UBASH3B: variants seen among roughly 807,000 people sequenced by gnomAD.
UBASH3B encodes the protein ubiquitin associated and SH3 domain containing B, also known as ubiquitin-associated and SH3 domain-containing protein B.
In UBASH3B, 37 loss-of-function variants were observed where a neutral mutation model predicts 83.4. The observed-to-expected ratio is 0.44, with a 90% CI of 0.34 to 0.58. UBASH3B has a LOEUF of 0.58. UBASH3B is among the 20% of genes least tolerant of loss of function. The probability of loss-of-function intolerance (pLI) is 0.01; values close to 1 mark genes in which losing one functional copy is unlikely to be tolerated. For missense variants in UBASH3B, 657 were observed against 827.2 expected (o/e 0.79, Z 2.52); for synonymous variants, 304 against 318.3 (o/e 0.96, Z 0.48).
At chr11:122,783,280 C>T in intron 5 of UBASH3B, 58 bp downstream of exon 5, 1 of 1,574,870 alleles carries the variant, frequency 6.3e-7, no homozygotes, top group East Asian at 2.2e-5. Context: ...TCAGAATCAG[C>T]AGCTCGCTGC....
intron 1 of UBASH3B, chr11:122,774,103 C>G: frequency 2.0e-6 from 2 of 984,764 alleles, no homozygotes; most frequent in Non-Finnish European, 2.4e-6. Flanking sequence ...TCTAGTAAGT[C>G]GTGAGGAAAC....
Position 122,777,083 on chromosome 11 carries a change from T to TCTACCTCCGTCCC in UBASH3B, c.276_288dup (p.Thr97LeufsTer65), listed in dbSNP as rs1860749857. On this transcript the variant is annotated frameshift_variant, in exon 3 of 14. Coordinates refer to ENST00000284273, the MANE Select transcript of UBASH3B (RefSeq NM_032873.5). LOFTEE classifies it high-confidence loss of function. ...GACCCCCTGCCCCGGGAGTACGTCCTCTACCTCCGTCCCACCGGCCCCTTA... is the reference window on the plus strand; with the variant it reads ...GACCCCCTGCCCCGGGAGTACGTCCTCTACCTCCGTCCCCTACCTCCGTCCCACCGGCCCCTTA... 6.2e-7 allele frequency: 1 copy of TCTACCTCCGTCCC among 1,613,984 alleles called. No homozygotes were observed. Among genetic ancestry groups the TCTACCTCCGTCCC allele is most frequent in the Non-Finnish European group, 8.5e-7 (1 of 1,179,952 alleles).
At chr11:122,656,293 C>A (rs1426777747) in intron 1 of UBASH3B, 83 bp downstream of exon 1, 1 of 1,252,872 alleles carries the variant, frequency 8.0e-7, no homozygotes, top group Admixed American at 4.2e-5. Flanking sequence ...CGCCTCCCAG[C>A]GCCTGCGGGA....
At chr11:122,741,496 A>G (rs1273769783) in intron 1 of UBASH3B, among the ~76,000 whole-genome samples, 2 of 152,192 alleles carry the variant, frequency 1.3e-5, no homozygotes, top group African/African-American at 4.8e-5. Flanking sequence ...CCGTCTCTTT[A>G]AGATCTAAGT....
At chr11:122,689,972 C>G (rs1000789406) in intron 1 of UBASH3B, among the ~76,000 whole-genome samples, 1 of 151,694 alleles carries the variant, frequency 6.6e-6, no homozygotes, top group African/African-American at 2.4e-5. Context: ...GGGCAGCCCA[C>G]CAAACCCCGC....
chr11:122,752,266 C>G (rs923039272), intron 1 of UBASH3B, among the ~76,000 whole-genome samples: 4 of 152,154 alleles, frequency 2.6e-5, no homozygotes, highest in African/African-American at 7.2e-5. Flanking sequence ...TAAGCACACT[C>G]TCTTTGAGTG....
At chr11:122,723,696 G>A (rs758308552) in intron 1 of UBASH3B, among the ~76,000 whole-genome samples, 3 of 152,214 alleles carry the variant, frequency 2.0e-5, no homozygotes, top group African/African-American at 7.2e-5. Flanking sequence ...AAAGAGCACC[G>A]GGTAGAAACC....
At chr11:122,721,210 A>G (rs889225508) in intron 1 of UBASH3B, among the ~76,000 whole-genome samples, 4 of 141,706 alleles carry the variant, frequency 2.8e-5, no homozygotes, top group African/African-American at 8.0e-5. Flanking sequence ...GCGGCACTGC[A>G]CTCCAGTCTG....
chr11:122,779,252 G>A (rs927190025), intron 3 of UBASH3B: 1 of 562,912 alleles, frequency 1.8e-6, no homozygotes, highest in African/African-American at 1.9e-5. Flanking sequence ...GTTCACGGGG[G>A]CCACTTCACA....
At chr11:122,753,986 G>A (rs1423280316) in intron 1 of UBASH3B, among the ~76,000 whole-genome samples, 2 of 152,152 alleles carry the variant, frequency 1.3e-5, no homozygotes, top group African/African-American at 4.8e-5. Context: ...GTTCTGTGAT[G>A]ATGGGAAGGT....
At chr11:122,709,287 T>A (rs1305073303) in intron 1 of UBASH3B, 3 of 152,234 alleles carry the variant, frequency 2.0e-5, no homozygotes, top group African/African-American at 7.2e-5. Flanking sequence ...GTCTTCACTT[T>A]CCCATCCCCA....
chr11:122,688,131 C>T (rs960553942), intron 1 of UBASH3B, among the ~76,000 whole-genome samples: 1 of 152,086 alleles, frequency 6.6e-6, no homozygotes, highest in African/African-American at 2.4e-5. Flanking sequence ...GAGGGGACTT[C>T]TTGGTTTTAA....
chr11:122,701,111 T>C (rs1423789710), intron 1 of UBASH3B, among the ~76,000 whole-genome samples: 1 of 152,226 alleles, frequency 6.6e-6, no homozygotes. Flanking sequence ...CTAATTTGCA[T>C]GGTTGTGTGA....
chr11:122,705,195 C>A (rs572558894), intron 1 of UBASH3B, among the ~76,000 whole-genome samples: 1 of 152,102 alleles, frequency 6.6e-6, no homozygotes, highest in Non-Finnish European at 1.5e-5. Flanking sequence ...GCCTGTAATC[C>A]CAGCACTTCG....
chr11:122,677,734 G>A (rs1373707164), intron 1 of UBASH3B, among the ~76,000 whole-genome samples: 1 of 152,110 alleles, frequency 6.6e-6, no homozygotes, highest in East Asian at 1.9e-4. Context: ...ATGGGCAAGA[G>A]GAGCAAAACT....
chr11:122,731,458 G>A (rs566624425), intron 1 of UBASH3B, among the ~76,000 whole-genome samples: 3 of 152,168 alleles, frequency 2.0e-5, no homozygotes, highest in Non-Finnish European at 4.4e-5. Flanking sequence ...CCATTATAAA[G>A]TAAAATAATG....
chr11:122,696,317 G>A (rs1308802272), intron 1 of UBASH3B, among the ~76,000 whole-genome samples: 1 of 144,466 alleles, frequency 6.9e-6, no homozygotes. Context: ...TTTCTTCAGG[G>A]CCCTACGTTT....
chr11:122,655,758 A>C lies in UBASH3B; in HGVS notation c.-292A>C. The C allele has an allele frequency of 1.7e-5, 6 of 345,440 alleles. No homozygotes were observed. Among genetic ancestry groups the C allele is most frequent in the Non-Finnish European group, 3.1e-5 (6 of 190,914 alleles). 21.4% of individuals were successfully genotyped at this position (345,440 alleles called of 1,614,324 possible). On this transcript the variant is annotated 5_prime_UTR_variant, in exon 1 of 14. Transcript: ENST00000284273. ...CCGGACTGCTAGGCGAGGAGAGGGA[A>C]GGGGGCGGAGGAGACAGGGCTACTG...
chr11:122,756,026 G>C (rs1177971672), intron 1 of UBASH3B, among the ~76,000 whole-genome samples: 1 of 152,138 alleles, frequency 6.6e-6, no homozygotes, highest in African/African-American at 2.4e-5. Flanking sequence ...TTATGGAAGA[G>C]GGTCAATTAA....
Sources: allele counts gnomAD v4.1 joint callset (sites outside exome capture counted in the v4.1 genomes callset), GRCh38; gene constraint gnomAD v4.1.1; transcripts MANE v1.5; gene names NCBI Gene and HGNC (gene_info 2026-07-23, HGNC 2026-07-21).